Variants in PIP4K2B observed in about 807,000 individuals in gnomAD.
PIP4K2B encodes phosphatidylinositol 5-phosphate 4-kinase type-2 beta.
A neutral mutation model predicts 42.0 loss-of-function variants in PIP4K2B; 3 were observed. The observed-to-expected ratio is 0.07, with a 90% CI of 0.03 to 0.18. PIP4K2B has a LOEUF of 0.18. Ranked by LOEUF, PIP4K2B falls within the 10% of genes least tolerant of loss-of-function variation. PIP4K2B has a pLI of 1.00. For missense variants in PIP4K2B, 332 were observed against 562.3 expected (o/e 0.59, Z 4.14); for synonymous variants, 204 against 210.1 (o/e 0.97, Z 0.25).
rs970537397 is a variant in PIP4K2B at position 38,767,357 on chromosome 17, G to C, written c.*2334C>G. 6.6e-6 allele frequency: 1 copy of C among 151,592 alleles called. No individual in the cohort carries two copies. Among genetic ancestry groups the C allele is most frequent in the African/African-American group, 2.4e-5 (1 of 41,216 alleles). 9.4% of individuals were successfully genotyped at this position (151,592 alleles called of 1,614,324 possible). On this transcript the variant is annotated 3_prime_UTR_variant, in exon 10 of 10. Coordinates refer to ENST00000619039, the MANE Select transcript of PIP4K2B (RefSeq NM_003559.5). ...GCCAAAAATTGGGGGCCAAACTCAA[G>C]GTTTTGAAGATAGCACAGCGAATGA...
intron 6 of PIP4K2B, among the ~76,000 whole-genome samples, 191 bp from the exon 7 acceptor site, chr17:38,777,991 A>G (rs1909462923): frequency 6.6e-6 from 1 of 152,226 alleles, no homozygotes; most frequent in African/African-American, 2.4e-5. Flanking sequence ...GGGCAAACAC[A>G]TGAAAGATGA....
At position 38,768,295 on chromosome 17, in the gene PIP4K2B, G is replaced by A. The variant is rs1908812543; in HGVS notation, c.*1396C>T. On this transcript the variant is annotated 3_prime_UTR_variant, in exon 10 of 10. Coordinates refer to ENST00000619039, the MANE Select transcript of PIP4K2B (RefSeq NM_003559.5). ...AGAGCAGCCTGTGGCTCAGTTCTGA[G>A]GGCCTGGGTGGCAGGCTCCGAAGGC... is the stretch of plus-strand genomic sequence containing the variant. 1 of 152,404 alleles carries A rather than the reference G, an allele frequency of 6.6e-6. No homozygotes were observed. The highest frequency in any genetic ancestry group is 1.5e-5 in the Non-Finnish European group (1 of 68,064). The allele number at this position is 152,404 out of a possible 1,614,324, so 9.4% of individuals were successfully genotyped here. A position where few individuals can be genotyped will look rare whatever the true frequency, so the allele number is the denominator to read the frequency against.
In PIP4K2B at chr17:38,771,145, A is replaced by C. The variant is rs111439746; in HGVS notation, c.935T>G (p.Val312Gly). Residue 312 changes from valine (V) to glycine (G), a missense_variant, in exon 8 of 10, where the codon GTG becomes GGG. Val to Gly is a moderately radical substitution (Grantham distance 109). This residue lies in a region of PIP4K2B where 63 missense variants were observed against 71.6 expected (regional missense o/e 0.88). Coordinates refer to ENST00000619039, the MANE Select transcript of PIP4K2B (RefSeq NM_003559.5). ...AEDEECENDG[V>G]GGNLLCSYGT... ...ATAGGAGCAGAGTAGGTTGCCACCC[A>C]CCCCATCATTCTCACACTCCTCGTC... is the stretch of plus-strand genomic sequence containing the variant. The C allele has an allele frequency of 2.6e-4, 414 of 1,613,708 alleles. 1 individual carries two copies. In the African/African-American group the frequency reaches 5.1e-3, roughly 20 times the overall value.
intron 1 of PIP4K2B, among the ~76,000 whole-genome samples, chr17:38,789,382 A>AT (rs1910221637): frequency 6.6e-6 from 1 of 152,218 alleles, no homozygotes; most frequent in Admixed American, 6.5e-5. Context: ...ACAGCAGAGT[A>AT]TTTGACATTT....
intron 1 of PIP4K2B, among the ~76,000 whole-genome samples, chr17:38,790,202 A>G (rs542719770): frequency 6.6e-6 from 1 of 152,324 alleles, no homozygotes; most frequent in South Asian, 2.1e-4. Flanking sequence ...AAACCCCAGA[A>G]GAGTCATGCC....
chr17:38,789,065 G>A (rs1910200665), intron 1 of PIP4K2B, among the ~76,000 whole-genome samples: 1 of 152,188 alleles, frequency 6.6e-6, no homozygotes, highest in Admixed American at 6.5e-5. Context: ...GTTACAGTGA[G>A]CTGACTGCAC....
intron 4 of PIP4K2B, chr17:38,779,776 G>T: frequency 2.1e-6 from 1 of 481,188 alleles, no homozygotes; most frequent in Non-Finnish European, 3.7e-6. Flanking sequence ...AGCCCCTGTG[G>T]GTTCATATTA....
At chr17:38,778,442 A>G in intron 5 of PIP4K2B, 70 bp from the exon 6 acceptor site, 1 of 1,416,896 alleles carries the variant, frequency 7.1e-7, no homozygotes, top group Non-Finnish European at 1.0e-6. Context: ...AACATGGGAG[A>G]GCCAGCAGGT....
In PIP4K2B at chr17:38,770,657, G is replaced by C. The variant is rs1272124119; in HGVS notation, c.1067-118C>G. 7.1e-6 allele frequency: 5 copies of C among 700,374 alleles called. No homozygotes were observed. In the African/African-American group the frequency reaches 8.9e-5, roughly 12 times the overall value. The allele number at this position is 700,374 out of a possible 1,614,324, so 43.4% of individuals were successfully genotyped here. ...TCAGCTCCATCCTTATCATGTTGGG[G>C]CTGAGAAAAGGACCAGTGGAGTCCT... On this transcript the variant is annotated intron_variant, in intron 8 of 9. Transcript: ENST00000619039.
intron 1 of PIP4K2B, among the ~76,000 whole-genome samples, chr17:38,798,954 G>A (rs928552849): frequency 2.0e-5 from 3 of 152,196 alleles, no homozygotes; most frequent in Non-Finnish European, 4.4e-5. Flanking sequence ...GGATGAAAGC[G>A]ACTCCACTGC....
At chr17:38,777,980 A>AG (rs1268976537) in intron 6 of PIP4K2B, among the ~76,000 whole-genome samples, 180 bp from the exon 7 acceptor site, 1 of 146,770 alleles carries the variant, frequency 6.8e-6, no homozygotes, top group Admixed American at 6.7e-5. Flanking sequence ...GTGGGCAGGG[A>AG]GGGCAAACAC....
intron 3 of PIP4K2B, among the ~76,000 whole-genome samples, chr17:38,783,195 C>CA (rs35913511): frequency 0.068 from 3,785 of 55,820 alleles, 707 homozygotes; most frequent in African/African-American, 0.26. Context: ...AACTCCATCT[C>CA]AAAAAAAAAA....
In PIP4K2B at chr17:38,771,136, T is replaced by A. The variant is rs764093207; in HGVS notation, c.944A>T (p.Asn315Ile). 1.2e-6 allele frequency: 2 copies of A among 1,613,882 alleles called. No homozygotes were observed. The highest frequency in any genetic ancestry group is 1.7e-6 in the Non-Finnish European group (2 of 1,179,982). ...AGGTGTGCCATAGGAGCAGAGTAGG[T>A]TGCCACCCACCCCATCATTCTCACA... ...EECENDGVGG[N>I]LLCSYGTPPD... The change falls in exon 8 of 10, where the codon AAC (asparagine) becomes ATC (isoleucine). Residue 315 changes from asparagine (N) to isoleucine (I), a missense_variant. Asn to Ile is a moderately radical substitution (Grantham distance 149, BLOSUM62 -3). Transcript: ENST00000619039.
chr17:38,772,096 G>A (rs193276698), intron 7 of PIP4K2B, among the ~76,000 whole-genome samples: 23 of 152,290 alleles, frequency 1.5e-4, no homozygotes, highest in Non-Finnish European at 2.9e-4. Flanking sequence ...TACTATGGAA[G>A]AGGATGGAGC....
chr17:38,779,721 C>T, intron 4 of PIP4K2B, 192 bp from the exon 5 acceptor site: 1 of 545,182 alleles, frequency 1.8e-6, no homozygotes, highest in Non-Finnish European at 3.3e-6. Context: ...CTCCAGCCTC[C>T]TGTTGGCATG....
chr17:38,767,106 T>C lies in PIP4K2B; in HGVS notation c.*2585A>G, dbSNP rs1908745718. 1 of 152,320 alleles carries C rather than the reference T, an allele frequency of 6.6e-6. No individual in the cohort carries two copies. Among genetic ancestry groups the C allele is most frequent in the African/African-American group, 2.4e-5 (1 of 41,572 alleles). The allele number at this position is 152,320 out of a possible 1,614,324, so 9.4% of individuals were successfully genotyped here. A position where few individuals can be genotyped will look rare whatever the true frequency, so the allele number is the denominator to read the frequency against. On this transcript the variant is annotated 3_prime_UTR_variant, in exon 10 of 10. Transcript: ENST00000619039. ...CATGAGACTGTTTAGCTTTTCTTCA[T>C]GGCCCCAGGGAGTGAGGCTGAGGGC...
At chr17:38,769,804 T>C in intron 9 of PIP4K2B, 33 bp from the exon 10 acceptor site, 1 of 1,611,284 alleles carries the variant, frequency 6.2e-7, no homozygotes, top group Non-Finnish European at 8.5e-7. Flanking sequence ...TCAGGTTGAG[T>C]TCCTGTGCCC....
At chr17:38,783,882 T>C (rs945125075) in intron 3 of PIP4K2B, among the ~76,000 whole-genome samples, 15 of 152,188 alleles carry the variant, frequency 9.9e-5, no homozygotes, top group Non-Finnish European at 1.9e-4. Context: ...ATTACAGGCA[T>C]AAGCCACCAT....
At chr17:38,784,705 A>G (rs1486678255) in intron 2 of PIP4K2B, among the ~76,000 whole-genome samples, 3 of 152,238 alleles carry the variant, frequency 2.0e-5, no homozygotes, top group Admixed American at 1.3e-4. Flanking sequence ...TAAAAACTTT[A>G]CATCTTGTAT....
Sources: allele counts gnomAD v4.1 joint callset (sites outside exome capture counted in the v4.1 genomes callset), GRCh38; gene constraint gnomAD v4.1.1; regional missense constraint gnomAD v4.1.1; transcripts MANE v1.5; gene names NCBI Gene and HGNC (gene_info 2026-07-23, HGNC 2026-07-21).